The following EPYC variants were observed in gnomAD, a reference collection of about 807,000 sequenced individuals.
EPYC encodes the protein dermatan sulfate proteoglycan 3.
Under a neutral mutation model 30.1 loss-of-function variants are expected in EPYC, and 28 were observed. The ratio of observed to expected loss-of-function variants is 0.93; its 90% CI spans 0.69 to 1.28. The LOEUF is 1.28. Ranked by LOEUF, EPYC falls within the 50% of genes most tolerant of loss-of-function variation. The pLI is 0.00. For missense variants in EPYC, 382 were observed against 383.5 expected, an observed-to-expected ratio of 1.00 and a Z score of 0.03; for synonymous variants, 144 against 141.4, an observed-to-expected ratio of 1.02 and a Z score of -0.13.
intron 5 of EPYC, 45 bp from the exon 6 acceptor site, chr12:90,970,184 A>C (rs1877004958): frequency 2.2e-6 from 3 of 1,368,346 alleles, no homozygotes; most frequent in Middle Eastern, 1.8e-4. Context: ...ACTCAATAAA[A>C]ACTCAATAAG....
At chr12:90,976,747 CAT>C (rs1877191886) in intron 3 of EPYC, among the ~76,000 whole-genome samples, 1 of 152,132 alleles carries the variant, frequency 6.6e-6, no homozygotes. Flanking sequence ...ATAATTCCCA[CAT>C]GTTGTGGGAG....
intron 1 of EPYC, among the ~76,000 whole-genome samples, chr12:91,003,962 A>G (rs1408837684): frequency 6.6e-6 from 1 of 152,104 alleles, no homozygotes; most frequent in East Asian, 1.9e-4. Context: ...GCTTTCTTCA[A>G]ATAAATTTCT....
chr12:90,969,969 T>C lies in EPYC; in HGVS notation c.798+75A>G. The C allele has an allele frequency of 2.0e-6, 2 of 1,013,892 alleles. 1 individual carries two copies. Among genetic ancestry groups the C allele is most frequent in the South Asian group, 2.6e-5 (2 of 75,906 alleles). The allele number at this position is 1,013,892 out of a possible 1,614,324, so 62.8% of individuals were successfully genotyped here. On this transcript the variant is annotated intron_variant, in intron 6 of 6. Transcript: ENST00000261172. ...GTGTCAACATGCCATTACAGACAAA[T>C]TCTTGTGTCCTGATGTCCTTTTTGG...
chr12:90,972,033 A>AT (rs1336041736), intron 4 of EPYC, 31 bp from the exon 5 acceptor site: 2 of 1,309,650 alleles, frequency 1.5e-6, no homozygotes, highest in Middle Eastern at 4.5e-4. Context: ...AAGTAATTAA[A>AT]TATTCTTGTT....
chr12:90,987,755 C>T (rs1877486742), intron 2 of EPYC, among the ~76,000 whole-genome samples: 1 of 152,144 alleles, frequency 6.6e-6, no homozygotes, highest in Non-Finnish European at 1.5e-5. Flanking sequence ...CATTGCACAA[C>T]TCTGAGAAGC....
chr12:90,969,588 G>A (rs1016303445), intron 6 of EPYC, among the ~76,000 whole-genome samples: 3 of 149,036 alleles, frequency 2.0e-5, no homozygotes, highest in African/African-American at 7.4e-5. Context: ...TCAGCACATA[G>A]GAATGCCTTA....
At chr12:90,996,298 G>A (rs1423656161) in intron 2 of EPYC, among the ~76,000 whole-genome samples, 1 of 151,704 alleles carries the variant, frequency 6.6e-6, no homozygotes, top group Non-Finnish European at 1.5e-5. Flanking sequence ...AAGTTGTCCG[G>A]AATTAGCTTG....
At chr12:90,971,032 A>G (rs1877030521) in intron 5 of EPYC, among the ~76,000 whole-genome samples, 1 of 152,202 alleles carries the variant, frequency 6.6e-6, no homozygotes, top group South Asian at 2.1e-4. Context: ...CAAAATCTCT[A>G]AGGCTAACTG....
At chr12:90,970,786 G>A (rs895492219) in intron 5 of EPYC, among the ~76,000 whole-genome samples, 12 of 152,150 alleles carry the variant, frequency 7.9e-5, no homozygotes, top group African/African-American at 2.9e-4. Context: ...AGAGAGACAG[G>A]GCATTTGCCA....
In EPYC at chr12:90,972,934, GT is replaced by G; in HGVS notation, c.386del (p.Tyr129SerfsTer38). ...TAGCATCAAGTTCATGGTCATCACA[GT>G]ACACGGTGGTACTTATACAAGTACA... ...LLCTCISTTV[Y>X]CDDHELDAIP... is the part of the protein sequence containing the mutation. On this transcript the variant is annotated frameshift_variant, in exon 4 of 7. Coordinates refer to ENST00000261172, the MANE Select transcript of EPYC (RefSeq NM_004950.5). LOFTEE classifies it high-confidence loss of function. 1.2e-6 allele frequency: 2 copies of G among 1,610,854 alleles called. No homozygotes were observed. Among genetic ancestry groups the G allele is most frequent in the Non-Finnish European group, 1.7e-6 (2 of 1,177,758 alleles).
Position 90,964,037 on chromosome 12 carries a change from G to T in EPYC, c.*119C>A, listed in dbSNP as rs1876828079. ...TATAACATTTTTAATTGTATTTTAT[G>T]TAGTCATATCATCTCTCAGAACACA... On this transcript the variant is annotated 3_prime_UTR_variant, in exon 7 of 7. Coordinates refer to ENST00000261172, the MANE Select transcript of EPYC (RefSeq NM_004950.5). 20 of 691,202 alleles carry T rather than the reference G, an allele frequency of 2.9e-5. No homozygotes were observed. The highest frequency in any genetic ancestry group is 2.6e-4 in the Middle Eastern group (1 of 3,870). 42.8% of individuals were successfully genotyped at this position (691,202 alleles called of 1,614,324 possible). A position where few individuals can be genotyped will look rare whatever the true frequency, so the allele number is the denominator to read the frequency against.
chr12:91,001,232 A>G (rs183147178), intron 2 of EPYC, among the ~76,000 whole-genome samples: 1 of 152,192 alleles, frequency 6.6e-6, no homozygotes, highest in African/African-American at 2.4e-5. Flanking sequence ...AACATAAACA[A>G]TATTGAAAAA....
chr12:90,970,375 T>C (rs1047751493), intron 5 of EPYC, among the ~76,000 whole-genome samples: 1 of 152,216 alleles, frequency 6.6e-6, no homozygotes, highest in East Asian at 1.9e-4. Context: ...AAAAATACAA[T>C]GTGTTTCTCA....
At position 90,972,962 on chromosome 12, in the gene EPYC, A is replaced by C. The variant is rs369730127; in HGVS notation, c.359T>G (p.Leu120Trp). ...HTNEDFPTCL[L>W]CTCISTTVYC... ...CACGGTGGTACTTATACAAGTACACAAAAGACAGGTTGGAAAGTCTAAAAG... is the reference window on the plus strand; with the variant it reads ...CACGGTGGTACTTATACAAGTACACCAAAGACAGGTTGGAAAGTCTAAAAG... The change falls in exon 4 of 7, where the codon TTG becomes TGG. Residue 120 changes from leucine (L) to tryptophan (W), a missense_variant. Coordinates refer to ENST00000261172, the MANE Select transcript of EPYC (RefSeq NM_004950.5). The C allele has an allele frequency of 5.0e-6, 8 of 1,592,950 alleles. No individual in the cohort carries two copies. Among genetic ancestry groups the C allele is most frequent in the Non-Finnish European group, 6.8e-6 (8 of 1,168,754 alleles).
intron 2 of EPYC, among the ~76,000 whole-genome samples, chr12:90,998,279 G>C (rs76932745): frequency 1.4e-3 from 217 of 152,132 alleles, no homozygotes; most frequent in African/African-American, 4.6e-3. Context: ...CACAGCACTA[G>C]AGTAAAATGA....
At chr12:90,972,145 TA>T (rs746333437) in intron 4 of EPYC, 143 bp from the exon 5 acceptor site, 1 of 562,026 alleles carries the variant, frequency 1.8e-6, no homozygotes, top group Non-Finnish European at 3.0e-6. Context: ...TATAAAAAAT[TA>T]TTTCCTCCAA....
intron 2 of EPYC, among the ~76,000 whole-genome samples, chr12:90,995,414 C>A (rs1877674195): frequency 6.6e-6 from 1 of 151,618 alleles, no homozygotes; most frequent in Non-Finnish European, 1.5e-5. Flanking sequence ...GAAAAGAAAC[C>A]TCAATATTGG....
intron 2 of EPYC, among the ~76,000 whole-genome samples, chr12:90,991,884 CTAAT>C (rs753187699): frequency 6.6e-5 from 10 of 152,148 alleles, no homozygotes; most frequent in Non-Finnish European, 1.3e-4. Context: ...GACAGAAACA[CTAAT>C]TAAGTCTGGA....
chr12:90,967,801 G>T (rs571189681), intron 6 of EPYC, among the ~76,000 whole-genome samples: 1 of 151,872 alleles, frequency 6.6e-6, no homozygotes, highest in African/African-American at 2.4e-5. Flanking sequence ...GGTGAGACCT[G>T]GTCTCTAAAA....
Sources: gnomAD v4.1 joint callset for allele counts (sites outside exome capture counted in the v4.1 genomes callset) on GRCh38, gnomAD v4.1.1 for gene constraint, MANE v1.5 for transcripts, NCBI Gene and HGNC (gene_info 2026-07-23, HGNC 2026-07-21) for gene names.